SHMT1: variants seen among roughly 807,000 people sequenced by gnomAD.
SHMT1 encodes serine hydroxymethyltransferase, cytosolic.
In SHMT1, 45 loss-of-function variants were observed where a neutral mutation model predicts 49.0. That is an observed-to-expected ratio of 0.92 (90% CI 0.72 to 1.18). The LOEUF is 1.18. SHMT1 is among the 50% of genes most tolerant of loss of function. The pLI, the probability that SHMT1 is intolerant of heterozygous loss-of-function variation, is 0.00. For missense variants in SHMT1, 541 were observed against 612.4 expected (o/e 0.88, Z 1.23); for synonymous variants, 232 against 246.6 (o/e 0.94, Z 0.55).
chr17:18,347,476 G>T lies in SHMT1; in HGVS notation c.519+20C>A. The T allele has an allele frequency of 6.2e-7, 1 of 1,613,266 alleles. No homozygotes were observed. The highest frequency in any genetic ancestry group is 8.5e-7 in the Non-Finnish European group (1 of 1,179,740). Reference sequence around the variant, plus strand: ...AGGTTTCCCAAGGAAATAAAAGCTAGGAGAGAAACACATGCTTACCTTGTA... The same window carrying T: ...AGGTTTCCCAAGGAAATAAAAGCTATGAGAGAAACACATGCTTACCTTGTA... On this transcript the variant is annotated intron_variant, in intron 5 of 11. Coordinates refer to ENST00000316694, the MANE Select transcript of SHMT1 (RefSeq NM_004169.5).
intron 3 of SHMT1, among the ~76,000 whole-genome samples, chr17:18,351,259 G>A (rs1985664566): frequency 6.6e-6 from 1 of 151,934 alleles, no homozygotes; most frequent in Admixed American, 6.6e-5. Flanking sequence ...TCCTGCCTTA[G>A]CCTCCCGAGT....
chr17:18,350,842 C>T (rs1985613814), intron 3 of SHMT1, among the ~76,000 whole-genome samples: 1 of 151,374 alleles, frequency 6.6e-6, no homozygotes, highest in South Asian at 2.1e-4. Flanking sequence ...AAGCGATTCT[C>T]CTACCTCAGC....
At chr17:18,345,680 TATTTA>T (rs1189238653) in intron 5 of SHMT1, among the ~76,000 whole-genome samples, 1 of 119,380 alleles carries the variant, frequency 8.4e-6, no homozygotes. Flanking sequence ...CTGCCTTTCT[TATTTA>T]TTTATTTTTT....
intron 11 of SHMT1, 101 bp from the exon 12 acceptor site, chr17:18,329,020 G>GGAC: frequency 3.4e-6 from 5 of 1,458,742 alleles, no homozygotes; most frequent in Admixed American, 1.7e-5. Flanking sequence ...CCCAGCTGGG[G>GGAC]AGTGTGGCAG....
intron 5 of SHMT1, among the ~76,000 whole-genome samples, chr17:18,344,577 GAA>G (rs10655994): frequency 0.012 from 771 of 65,376 alleles, 13 homozygotes; most frequent in African/African-American, 0.043. Context: ...ACAATTACCG[GAA>G]AAAAAAAAAA....
chr17:18,353,959 C>G (rs1985973654), intron 2 of SHMT1, 142 bp from the exon 3 acceptor site: 1 of 797,980 alleles, frequency 1.3e-6, no homozygotes, highest in Non-Finnish European at 2.1e-6. Context: ...GTTTTAGTAT[C>G]TGAGAAAGCA....
At chr17:18,358,825 C>A (rs561241076) in intron 1 of SHMT1, among the ~76,000 whole-genome samples, 1 of 152,074 alleles carries the variant, frequency 6.6e-6, no homozygotes, top group East Asian at 1.9e-4. Context: ...ATCACCTGAG[C>A]CTGGAAGCTA....
intron 8 of SHMT1, 75 bp from the exon 9 acceptor site, chr17:18,333,363 G>A (rs929822952): frequency 5.6e-5 from 82 of 1,468,180 alleles, no homozygotes; most frequent in Non-Finnish European, 6.9e-5. Context: ...CAACATTCCT[G>A]TTTTTACTCA....
chr17:18,329,246 A>C, intron 11 of SHMT1, 32 bp downstream of exon 11: 1 of 1,450,456 alleles, frequency 6.9e-7, no homozygotes, highest in Non-Finnish European at 9.7e-7. Context: ...ACACACAATA[A>C]GATGTGGCAA....
chr17:18,345,207 T>A, intron 5 of SHMT1, among the ~76,000 whole-genome samples: 2 of 152,252 alleles, frequency 1.3e-5, no homozygotes, highest in East Asian at 3.9e-4. Context: ...GCCTGCACAA[T>A]GTACATCAAA....
Position 18,347,643 on chromosome 17 carries a change from G to GT in SHMT1, c.371dup (p.Asn124LysfsTer45). On this transcript the variant is annotated frameshift_variant, in exon 5 of 12. Coordinates refer to ENST00000316694, the MANE Select transcript of SHMT1 (RefSeq NM_004169.5). LOFTEE classifies it high-confidence loss of function. Reference sequence around the variant, plus strand: ...CCACCAGGGCAGTGTACACAGCAAAGTTTGCAGGGGAGCCTGAAACGAGTG... The same window carrying GT: ...CCACCAGGGCAGTGTACACAGCAAAGTTTTGCAGGGGAGCCTGAAACGAGTG... The GT allele has an allele frequency of 6.2e-7, 1 of 1,614,196 alleles. No homozygotes were observed. The highest frequency in any genetic ancestry group is 8.5e-7 in the Non-Finnish European group (1 of 1,180,042).
rs1483093614 is a variant in SHMT1 at position 18,353,721 on chromosome 17, G to A, written c.193C>T (p.Leu65=). 6.2e-7 allele frequency: 1 copy of A among 1,614,086 alleles called. No homozygotes were observed. Among genetic ancestry groups the A allele is most frequent in the Non-Finnish European group, 8.5e-7 (1 of 1,179,994 alleles). ...NFASRAVLEA[L]GSCLNNKYSE... is the part of the protein sequence containing the mutation. ...TATTTGTTATTTAAGCAAGAGCCTA[G>A]GGCCTCCAAAACTGCTCGGCTGGCG... Residue 65 remains leucine (L), a synonymous_variant, in exon 3 of 12, where the codon CTA becomes TTA. Transcript: ENST00000316694.
intron 3 of SHMT1, among the ~76,000 whole-genome samples, chr17:18,351,771 T>TA (rs917304162): frequency 3.9e-4 from 58 of 147,816 alleles, no homozygotes; most frequent in South Asian, 6.5e-4. Flanking sequence ...ATACTCCGTG[T>TA]AAAAAAAAAA....
At chr17:18,348,973 AAAAAG>A (rs1206021708) in intron 3 of SHMT1, among the ~76,000 whole-genome samples, 3 of 150,900 alleles carry the variant, frequency 2.0e-5, no homozygotes, top group African/African-American at 7.3e-5. Context: ...CTCAAAAAAA[AAAAAG>A]AAAAGAAAAA....
Position 18,328,699 on chromosome 17 carries a change from G to T in SHMT1, c.*51C>A, listed in dbSNP as rs1368987732. 6.5e-7 allele frequency: 1 copy of T among 1,544,694 alleles called. No homozygotes were observed. Among genetic ancestry groups the T allele is most frequent in the South Asian group, 1.2e-5 (1 of 84,048 alleles). On this transcript the variant is annotated 3_prime_UTR_variant, in exon 12 of 12. Coordinates refer to ENST00000316694, the MANE Select transcript of SHMT1 (RefSeq NM_004169.5). ...CCATCTCTCAGGTGGGGGTCCTCCGGCAGGCAGCTTCCTCTGTGGCGCCAG... is the reference window on the plus strand; with the variant it reads ...CCATCTCTCAGGTGGGGGTCCTCCGTCAGGCAGCTTCCTCTGTGGCGCCAG...
chr17:18,335,318 C>T (rs563546296), intron 8 of SHMT1, among the ~76,000 whole-genome samples: 24 of 152,360 alleles, frequency 1.6e-4, no homozygotes, highest in African/African-American at 5.3e-4. Flanking sequence ...ATGTACTTTA[C>T]AAAACTCGGC....
intron 4 of SHMT1, 165 bp downstream of exon 4, chr17:18,348,156 GTGGT>G (rs1264282468): frequency 1.5e-6 from 1 of 659,138 alleles, no homozygotes; most frequent in East Asian, 2.9e-5. Context: ...CCGGCCTCAG[GTGGT>G]CTGCCTGCCT....
chr17:18,353,627 C>T, intron 3 of SHMT1, 45 bp downstream of exon 3: 3 of 1,599,252 alleles, frequency 1.9e-6, no homozygotes, highest in South Asian at 2.2e-5. Context: ...ACTGAGTACT[C>T]CCTATGACTG....
intron 10 of SHMT1, 56 bp from the exon 11 acceptor site, chr17:18,329,444 G>C: frequency 7.1e-7 from 1 of 1,400,776 alleles, no homozygotes; most frequent in South Asian, 1.2e-5. Context: ...TGTGATGGTG[G>C]TGCATTTAAA....
Sources: gnomAD v4.1 joint callset for allele counts (sites outside exome capture counted in the v4.1 genomes callset) on GRCh38, gnomAD v4.1.1 for gene constraint, MANE v1.5 for transcripts, NCBI Gene and HGNC (gene_info 2026-07-23, HGNC 2026-07-21) for gene names.